AGBL1: variants seen among roughly 807,000 people sequenced by gnomAD.
The protein encoded by AGBL1 is cytosolic carboxypeptidase 4.
AGBL1 carries 130 observed loss-of-function variants against 118.9 expected under a neutral mutation model. The ratio of observed to expected loss-of-function variants is 1.09; its 90% CI spans 0.95 to 1.26. AGBL1 has a LOEUF of 1.26. Among genes scored for constraint, AGBL1 ranks in the 50% most tolerant of loss-of-function variants. AGBL1 has a pLI of 0.00. For synonymous variants in AGBL1, 555 were observed against 478.9 expected (o/e 1.16, Z -2.08); for missense variants, 1,584 against 1,298.1 (o/e 1.22, Z -3.38).
intron 16 of AGBL1, among the ~76,000 whole-genome samples, chr15:86,281,498 A>C (rs1247015682): frequency 6.6e-6 from 1 of 152,204 alleles, no homozygotes; most frequent in Non-Finnish European, 1.5e-5. Context: ...GTGATCATGG[A>C]TCTAGGACAC....
chr15:86,194,847 C>T (rs530835344), intron 5 of AGBL1, among the ~76,000 whole-genome samples: 16 of 152,274 alleles, frequency 1.1e-4, no homozygotes, highest in Admixed American at 3.3e-4. Context: ...CTAGCAAGGT[C>T]TTAGGCAAAA....
intron 6 of AGBL1, among the ~76,000 whole-genome samples, chr15:86,231,762 T>C (rs1467782258): frequency 6.6e-6 from 1 of 152,218 alleles, no homozygotes; most frequent in Non-Finnish European, 1.5e-5. Context: ...TCCAGACCCC[T>C]GGGACCTGAG....
In AGBL1 at chr15:86,560,646, T is replaced by C. The variant is rs1307731534; in HGVS notation, c.2994+6109T>C. 2.0e-5 allele frequency among the ~76,000 whole-genome samples: 3 copies of C among 152,208 alleles called. No individual in the cohort carries two copies. In the East Asian group the frequency reaches 5.8e-4, roughly 29 times the overall value. Reference sequence around the variant, plus strand: ...GCAGCAGGATTTATAATCCTTTGGTTATATACCCAGTAATGGGATGGCTGA... The same window carrying C: ...GCAGCAGGATTTATAATCCTTTGGTCATATACCCAGTAATGGGATGGCTGA... On this transcript the variant is annotated intron_variant, in intron 21 of 22. Coordinates refer to ENST00000614907, the MANE Select transcript of AGBL1 (RefSeq NM_001386094.1).
At chr15:86,954,351 G>A (rs771104713) in intron 23 of AGBL1, among the ~76,000 whole-genome samples, 1 of 152,130 alleles carries the variant, frequency 6.6e-6, no homozygotes, top group Non-Finnish European at 1.5e-5. Flanking sequence ...ACTCACACTT[G>A]TATGTTCATC....
At chr15:86,161,693 T>C (rs1007115859) in intron 5 of AGBL1, among the ~76,000 whole-genome samples, 2 of 152,210 alleles carry the variant, frequency 1.3e-5, no homozygotes, top group Non-Finnish European at 2.9e-5. Flanking sequence ...CTATTTCCTC[T>C]CAAAGGCTAA....
chr15:86,376,597 G>T (rs1436135673), intron 17 of AGBL1, among the ~76,000 whole-genome samples: 1 of 152,204 alleles, frequency 6.6e-6, no homozygotes, highest in Non-Finnish European at 1.5e-5. Context: ...TCCAGTCCTT[G>T]TATGGAGTTT....
chr15:86,192,457 A>G (rs1227731899), intron 5 of AGBL1, among the ~76,000 whole-genome samples: 1 of 151,916 alleles, frequency 6.6e-6, no homozygotes, highest in African/African-American at 2.4e-5. Flanking sequence ...AATTTTGTCT[A>G]TCACATGGGC....
At chr15:86,891,714 A>G (rs922098989) in intron 22 of AGBL1, among the ~76,000 whole-genome samples, 1 of 152,176 alleles carries the variant, frequency 6.6e-6, no homozygotes, top group African/African-American at 2.4e-5. Flanking sequence ...CTCAAGTGAC[A>G]TGGGTCATTA....
At chr15:86,373,115 G>GTCA (rs997085565) in intron 17 of AGBL1, among the ~76,000 whole-genome samples, 136 of 152,144 alleles carry the variant, frequency 8.9e-4, no homozygotes, top group African/African-American at 3.2e-3. Flanking sequence ...AGCCTAATGG[G>GTCA]TCATTACCTT....
intron 3 of AGBL1, among the ~76,000 whole-genome samples, chr15:86,144,534 C>T (rs997090237): frequency 2.0e-5 from 3 of 152,068 alleles, no homozygotes; most frequent in African/African-American, 4.8e-5. Context: ...GAGCTGGAGG[C>T]CATTATCCTT....
rs2079317181 is a variant in AGBL1, at chr15:86,279,697, AC to A, written c.2137del (p.Leu713SerfsTer28). 1.2e-6 allele frequency: 2 copies of A among 1,613,236 alleles called. No individual in the cohort carries two copies. Among genetic ancestry groups the A allele is most frequent in the Non-Finnish European group, 1.7e-6 (2 of 1,179,492 alleles). On this transcript the variant is annotated frameshift_variant, in exon 16 of 23. Coordinates refer to ENST00000614907, the MANE Select transcript of AGBL1 (RefSeq NM_001386094.1). LOFTEE classifies it high-confidence loss of function. The part of the protein sequence containing the change: ...AGGASGKCYY[T>X]LTFAVTFPHS... ...CGGAGCATCTGGGAAGTGCTACTAT[AC>A]CCTCACCTTTGCTGTCACCTTCCCA...
chr15:86,569,335 G>A (rs1424228258), intron 21 of AGBL1, among the ~76,000 whole-genome samples: 2 of 151,448 alleles, frequency 1.3e-5, no homozygotes. Context: ...GTAGGCTGAG[G>A]TTACGGTGAA....
rs896588064 is a variant in AGBL1, at chr15:87,025,196, G to C, written c.3324-3629G>C. Among the ~76,000 whole-genome samples the C allele has an allele frequency of 2.0e-5, 3 of 151,980 alleles. No homozygotes were observed. The East Asian group carries it at 5.8e-4, about 29-fold the overall frequency. ...GTAAAGAGGGAGTCAAACTGCTGCTGTTTGCTGATGATATGATTGTTTACC... is the reference window on the plus strand; with the variant it reads ...GTAAAGAGGGAGTCAAACTGCTGCTCTTTGCTGATGATATGATTGTTTACC... On this transcript the variant is annotated intron_variant, in intron 24 of 24. Transcript: ENST00000441037.
chr15:86,275,320 C>T (rs1488847432), intron 15 of AGBL1, among the ~76,000 whole-genome samples: 1 of 152,182 alleles, frequency 6.6e-6, no homozygotes, highest in East Asian at 1.9e-4. Context: ...TGCCATCATG[C>T]ATCCTTCCAT....
intron 23 of AGBL1, among the ~76,000 whole-genome samples, chr15:86,969,761 G>A (rs1190277529): frequency 6.6e-6 from 1 of 151,824 alleles, no homozygotes; most frequent in South Asian, 2.1e-4. Context: ...GTGGGAAGAA[G>A]GAGAAAATGG....
At chr15:86,737,844 G>A (rs2077623551) in intron 22 of AGBL1, among the ~76,000 whole-genome samples, 1 of 152,066 alleles carries the variant, frequency 6.6e-6, no homozygotes, top group African/African-American at 2.4e-5. Flanking sequence ...ATGTAAATGG[G>A]CTTCATGAAA....
At chr15:86,974,690 AAAAC>A (rs2081155129) in intron 23 of AGBL1, among the ~76,000 whole-genome samples, 1 of 150,242 alleles carries the variant, frequency 6.7e-6, no homozygotes, top group Admixed American at 6.7e-5. Context: ...GCAAGTAAAA[AAAAC>A]AGTGATCAGA....
intron 23 of AGBL1, among the ~76,000 whole-genome samples, chr15:86,965,110 A>G (rs987676056): frequency 6.6e-6 from 1 of 152,142 alleles, no homozygotes; most frequent in South Asian, 2.1e-4. Flanking sequence ...ATGTATTTTT[A>G]TAGAAGAATG....
chr15:86,643,978 A>G (rs28450645), intron 21 of AGBL1, among the ~76,000 whole-genome samples: 4,083 of 152,218 alleles, frequency 0.027, 180 homozygotes, highest in African/African-American at 0.093. Flanking sequence ...TACAATGTCT[A>G]ATTTGGGTGA....
Sources: gnomAD v4.1 joint callset for allele counts (sites outside exome capture counted in the v4.1 genomes callset) on GRCh38, gnomAD v4.1.1 for gene constraint, MANE v1.5 for transcripts, NCBI Gene and HGNC (gene_info 2026-07-23, HGNC 2026-07-21) for gene names.